The following ROR1 variants were observed in gnomAD, a reference collection of about 807,000 sequenced individuals.
ROR1 encodes ROR family WNT receptor 1.
ROR1 carries 19 observed loss-of-function variants against 78.8 expected under a neutral mutation model. The observed-to-expected ratio is 0.24, with a 90% CI of 0.17 to 0.35. ROR1 has a LOEUF of 0.35. Ranked by LOEUF, ROR1 falls within the 10% of genes least tolerant of loss-of-function variation. The pLI is 1.00. For synonymous variants in ROR1, 386 were observed against 433.6 expected, an observed-to-expected ratio of 0.89 and a Z score of 1.36; for missense variants, 917 against 1,177.8, an observed-to-expected ratio of 0.78 and a Z score of 3.24.
chr1:63,886,211 T>G (rs1259823977), intron 1 of ROR1, among the ~76,000 whole-genome samples: 1 of 152,092 alleles, frequency 6.6e-6, no homozygotes, highest in Non-Finnish European at 1.5e-5. Flanking sequence ...TGGCTATAAA[T>G]ACAGATGAAG....
chr1:64,032,789 C>T (rs532264134), intron 2 of ROR1, among the ~76,000 whole-genome samples: 2 of 152,304 alleles, frequency 1.3e-5, no homozygotes, highest in African/African-American at 4.8e-5. Flanking sequence ...AGGAAATTCT[C>T]AATTTCCACT....
chr1:63,847,832 A>C lies in ROR1; in HGVS notation c.91+73324A>C, dbSNP rs137914332. The stretch of plus-strand genomic sequence containing the variant: ...GATTCAGATATACTCCCTGCTGCTG[A>C]TAAGTCCCATGTGTCTACTCATCGG... On this transcript the variant is annotated intron_variant, in intron 1 of 8. Transcript: ENST00000371079. Among the ~76,000 whole-genome samples, 88 of 152,288 alleles carry C rather than the reference A, an allele frequency of 5.8e-4. 1 individual carries two copies. In the East Asian group the frequency reaches 0.015, roughly 26 times the overall value.
intron 2 of ROR1, among the ~76,000 whole-genome samples, chr1:64,045,928 A>T (rs1467728833): frequency 6.6e-6 from 1 of 152,164 alleles, no homozygotes; most frequent in African/African-American, 2.4e-5. Flanking sequence ...AGTCTAGGGA[A>T]GAAGGGAAAA....
intron 4 of ROR1, among the ~76,000 whole-genome samples, chr1:64,083,606 A>AAG (rs1647123658): frequency 2.0e-5 from 3 of 151,052 alleles, no homozygotes; most frequent in Non-Finnish European, 3.0e-5. Context: ...AAAAAAAAAA[A>AAG]AACAACCATT....
chr1:64,150,379 T>C (rs1649587378), intron 7 of ROR1, among the ~76,000 whole-genome samples: 1 of 152,242 alleles, frequency 6.6e-6, no homozygotes, highest in Admixed American at 6.5e-5. Flanking sequence ...GTTTTGTGCC[T>C]GAATAGCCTT....
In ROR1 at chr1:63,859,148, C is replaced by T. The variant is rs193133468; in HGVS notation, c.91+84640C>T. ...CTTGCTCCCTGGGTTGGGCGCCCCT[C>T]TGCAGGGTACAACCAACACAGTTGT... On this transcript the variant is annotated intron_variant, in intron 1 of 8. Transcript: ENST00000371079. 3.8e-3 allele frequency among the ~76,000 whole-genome samples: 582 copies of T among 152,140 alleles called. 4 individuals carry two copies. The highest frequency in any genetic ancestry group is 0.013 in the African/African-American group (559 of 41,416).
At chr1:64,051,311 G>A (rs1347024815) in intron 4 of ROR1, among the ~76,000 whole-genome samples, 1 of 151,696 alleles carries the variant, frequency 6.6e-6, no homozygotes. Context: ...TTAGCCGTGC[G>A]TCGTGGTGGG....
At chr1:63,985,551 G>A (rs1646243918) in intron 1 of ROR1, among the ~76,000 whole-genome samples, 1 of 151,976 alleles carries the variant, frequency 6.6e-6, no homozygotes, top group Admixed American at 6.6e-5. Context: ...TGATGGGTTG[G>A]AGTCAAAACT....
chr1:63,795,961 C>G (rs1223700238), intron 1 of ROR1, among the ~76,000 whole-genome samples: 1 of 152,114 alleles, frequency 6.6e-6, no homozygotes, highest in East Asian at 1.9e-4. Context: ...TTACTCTAAT[C>G]AGAACATTTC....
At chr1:63,886,535 A>G (rs934030022) in intron 1 of ROR1, among the ~76,000 whole-genome samples, 1 of 152,170 alleles carries the variant, frequency 6.6e-6, no homozygotes, top group African/African-American at 2.4e-5. Context: ...ATTTGGCCAG[A>G]AGGAGTCACA....
chr1:63,966,112 A>C (rs1340603836), intron 1 of ROR1, among the ~76,000 whole-genome samples: 3 of 152,230 alleles, frequency 2.0e-5, no homozygotes, highest in Non-Finnish European at 4.4e-5. Flanking sequence ...GTTCGTTATC[A>C]TTCTTATCTT....
chr1:63,841,653 A>G (rs2100314621), intron 1 of ROR1, among the ~76,000 whole-genome samples: 1 of 152,328 alleles, frequency 6.6e-6, no homozygotes, highest in African/African-American at 2.4e-5. Flanking sequence ...TACACAAGTA[A>G]CCATTGAAGC....
At chr1:64,097,574 AG>A (rs1340786280) in intron 4 of ROR1, among the ~76,000 whole-genome samples, 2 of 86,166 alleles carry the variant, frequency 2.3e-5, no homozygotes, top group Admixed American at 1.2e-4. Context: ...TATTTCATAT[AG>A]TATATATATA....
intron 1 of ROR1, among the ~76,000 whole-genome samples, chr1:63,782,564 T>G (rs954596369): frequency 6.6e-6 from 1 of 151,740 alleles, no homozygotes; most frequent in South Asian, 2.1e-4. Context: ...TTTGTTTTTT[T>G]TTTTGTTACA....
chr1:63,959,314 A>AACT (rs10656959), intron 1 of ROR1, among the ~76,000 whole-genome samples: 49,115 of 151,940 alleles, frequency 0.32, 11,769 homozygotes, highest in African/African-American at 0.68. Context: ...GGATTAGGGG[A>AACT]ACAAGATAAG....
intron 4 of ROR1, among the ~76,000 whole-genome samples, chr1:64,061,244 T>C (rs756455569): frequency 6.6e-6 from 1 of 152,246 alleles, no homozygotes; most frequent in Non-Finnish European, 1.5e-5. Flanking sequence ...ACCAAGTTTT[T>C]TTCTGTGTTC....
chr1:63,998,107 A>T (rs113222432), intron 1 of ROR1, among the ~76,000 whole-genome samples: 78 of 152,210 alleles, frequency 5.1e-4, no homozygotes, highest in African/African-American at 1.5e-3. Flanking sequence ...CCTCCCATCT[A>T]ACCTATTCCA....
intron 4 of ROR1, among the ~76,000 whole-genome samples, chr1:64,064,932 C>T (rs777127070): frequency 6.6e-5 from 10 of 151,992 alleles, no homozygotes; most frequent in Non-Finnish European, 1.3e-4. Context: ...GACTAGATAC[C>T]CTGGTATTTT....
chr1:63,952,674 G>T (rs933052859), intron 1 of ROR1, among the ~76,000 whole-genome samples: 1 of 152,144 alleles, frequency 6.6e-6, no homozygotes, highest in African/African-American at 2.4e-5. Context: ...GAGCCTTGAA[G>T]CCAGGCCAGG....
Sources: allele counts gnomAD v4.1 joint callset (sites outside exome capture counted in the v4.1 genomes callset), GRCh38; gene constraint gnomAD v4.1.1; transcripts MANE v1.5; gene names NCBI Gene and HGNC (gene_info 2026-07-23, HGNC 2026-07-21).